JOSD1: variants seen among roughly 807,000 people sequenced by gnomAD.
The protein encoded by JOSD1 is Josephin domain containing 1.
JOSD1 carries 11 observed loss-of-function variants against 24.3 expected under a neutral mutation model. That is an observed-to-expected ratio of 0.45 (90% CI 0.29 to 0.75). The LOEUF is 0.75. Among genes scored for constraint, JOSD1 ranks in the 30% least tolerant of loss-of-function variants. The pLI, the probability that JOSD1 is intolerant of heterozygous loss-of-function variation, is 0.11. For synonymous variants in JOSD1, 106 were observed against 93.8 expected, an observed-to-expected ratio of 1.13 and a Z score of -0.75; for missense variants, 184 against 253.5, an observed-to-expected ratio of 0.73 and a Z score of 1.86.
intron 2 of JOSD1, among the ~76,000 whole-genome samples, chr22:38,694,863 C>CAAAAAAA (rs55844316): frequency 1.2e-5 from 1 of 80,776 alleles, no homozygotes; most frequent in Non-Finnish European, 2.5e-5. Flanking sequence ...GACTCAGTCT[C>CAAAAAAA]AAAAAAAAAA....
chr22:38,700,494 G>A lies in JOSD1; in HGVS notation c.-507C>T, dbSNP rs1209310372. 4.1e-6 allele frequency: 4 copies of A among 986,112 alleles called. No homozygotes were observed. The highest frequency in any genetic ancestry group is 5.2e-4 in the Middle Eastern group (1 of 1,934). The allele number at this position is 986,112 out of a possible 1,614,324, so 61.1% of individuals were successfully genotyped here. A position where few individuals can be genotyped will look rare whatever the true frequency, so the allele number is the denominator to read the frequency against. On this transcript the variant is annotated 5_prime_UTR_variant, in exon 2 of 5. Transcript: ENST00000683374. ...ACGAGTCGAGTAGCTAGCGCGGGCCGGCAGGCGTGGGACCGCGAGCCGCGC... is the reference window on the plus strand; with the variant it reads ...ACGAGTCGAGTAGCTAGCGCGGGCCAGCAGGCGTGGGACCGCGAGCCGCGC...
Position 38,700,038 on chromosome 22 carries a change from C to G in JOSD1, c.-51G>C, listed in dbSNP as rs1341165808. 1 of 1,526,674 alleles carries G rather than the reference C, an allele frequency of 6.6e-7. No individual in the cohort carries two copies. Among genetic ancestry groups the G allele is most frequent in the Non-Finnish European group, 8.8e-7 (1 of 1,140,290 alleles). The allele number at this position is 1,526,674 out of a possible 1,614,324, so 94.6% of individuals were successfully genotyped here. On this transcript the variant is annotated 5_prime_UTR_variant, in exon 2 of 5. Transcript: ENST00000683374. ...GGCTATAAACACCCCACTCTTCCCT[C>G]TAGAGGAAGAATGTAAGCTTCTCAG...
At position 38,699,996 on chromosome 22, in the gene JOSD1, T is replaced by G; in HGVS notation, c.-9A>C. On this transcript the variant is annotated 5_prime_UTR_variant, in exon 2 of 5. Coordinates refer to ENST00000683374, the MANE Select transcript of JOSD1 (RefSeq NM_001360236.2). ...CATGGCACACAACTCATGTTTTTTG[T>G]TTTAGGTTCCAGAGATGGCTATAAA... 6.3e-7 allele frequency: 1 copy of G among 1,585,752 alleles called. No homozygotes were observed. The highest frequency in any genetic ancestry group is 8.6e-7 in the Non-Finnish European group (1 of 1,165,616).
At chr22:38,691,657 C>T (rs1399412252) in intron 2 of JOSD1, among the ~76,000 whole-genome samples, 1 of 152,064 alleles carries the variant, frequency 6.6e-6, no homozygotes, top group Admixed American at 6.6e-5. Context: ...ATGTTACTGC[C>T]ATAGAGAGGC....
At chr22:38,688,482 C>T (rs918839311) in intron 4 of JOSD1, among the ~76,000 whole-genome samples, 2 of 152,154 alleles carry the variant, frequency 1.3e-5, no homozygotes, top group African/African-American at 4.8e-5. Flanking sequence ...AGGCTGGTCT[C>T]GAACTCCTGA....
chr22:38,699,582 C>G (rs1450402480), intron 2 of JOSD1, among the ~76,000 whole-genome samples: 1 of 152,224 alleles, frequency 6.6e-6, no homozygotes, highest in East Asian at 1.9e-4. Context: ...TGTTGAAGAT[C>G]ACTCAAGAAA....
intron 2 of JOSD1, among the ~76,000 whole-genome samples, chr22:38,693,624 G>T (rs117706333): frequency 0.022 from 3,380 of 152,128 alleles, 49 homozygotes; most frequent in Middle Eastern, 0.054. Context: ...CTGTCACCTA[G>T]GCTGGATTAC....
chr22:38,697,074 T>G (rs1403041313), intron 2 of JOSD1, among the ~76,000 whole-genome samples: 2 of 152,246 alleles, frequency 1.3e-5, no homozygotes, highest in African/African-American at 2.4e-5. Context: ...AAGGCCTGGT[T>G]AAAGCATAGC....
At chr22:38,701,093 G>T, upstream of JOSD1, 1 of 580,882 alleles carries the variant, frequency 1.7e-6, no homozygotes, top group Non-Finnish European at 2.2e-6. Flanking sequence ...CGGCCTGGGA[G>T]CCGCAGACGC....
chr22:38,700,771 C>G (rs913323210), intron 1 of JOSD1, 29 bp downstream of exon 1: 2 of 984,808 alleles, frequency 2.0e-6, no homozygotes, highest in Admixed American at 1.2e-4. Flanking sequence ...CGGGCCCGCG[C>G]CCACCCGGCT....
At chr22:38,688,475 C>G (rs950324358) in intron 4 of JOSD1, among the ~76,000 whole-genome samples, 1 of 152,174 alleles carries the variant, frequency 6.6e-6, no homozygotes, top group African/African-American at 2.4e-5. Context: ...GTTGGTCAGG[C>G]TGGTCTCGAA....
chr22:38,690,203 A>G (rs1454136385), intron 2 of JOSD1, among the ~76,000 whole-genome samples: 5 of 152,112 alleles, frequency 3.3e-5, no homozygotes, highest in Admixed American at 2.0e-4. Flanking sequence ...TTCAAGGGGC[A>G]TACCTTTGGG....
At chr22:38,692,799 A>C (rs2092528949) in intron 2 of JOSD1, among the ~76,000 whole-genome samples, 6 of 150,854 alleles carry the variant, frequency 4.0e-5, no homozygotes. Context: ...AAAAAAAAAA[A>C]AAAAAAGAAA....
intron 2 of JOSD1, among the ~76,000 whole-genome samples, chr22:38,695,789 G>A (rs1044346087): frequency 1.3e-5 from 2 of 151,962 alleles, no homozygotes; most frequent in Non-Finnish European, 2.9e-5. Flanking sequence ...CGGGCACGGT[G>A]GCTCACGCCT....
At chr22:38,696,020 C>A (rs1239543467) in intron 2 of JOSD1, among the ~76,000 whole-genome samples, 1 of 152,050 alleles carries the variant, frequency 6.6e-6, no homozygotes, top group Non-Finnish European at 1.5e-5. Flanking sequence ...CACGCCACTG[C>A]AATCCAGCCT....
chr22:38,691,655 G>A (rs2092522899), intron 2 of JOSD1, among the ~76,000 whole-genome samples: 1 of 152,138 alleles, frequency 6.6e-6, no homozygotes, highest in African/African-American at 2.4e-5. Context: ...AAATGTTACT[G>A]CCATAGAGAG....
At chr22:38,689,558 C>T (rs1349183820) in intron 2 of JOSD1, 134 bp from the exon 3 acceptor site, 4 of 1,123,450 alleles carry the variant, frequency 3.6e-6, no homozygotes, top group African/African-American at 3.1e-5. Flanking sequence ...TGCAATTTCC[C>T]CAGCTTCTAC....
rs962946981 is a variant in JOSD1 at position 38,695,061 on chromosome 22, C to G, written c.185+4742G>C. ...TTTTCCCCGCCCTAATTCTTTCTTT[C>G]CTTATCAGATCTGAAGAGATGTGAC... On this transcript the variant is annotated intron_variant, in intron 2 of 4. Transcript: ENST00000683374. Among the ~76,000 whole-genome samples the G allele has an allele frequency of 6.6e-5, 10 of 152,196 alleles. No homozygotes were observed. In the South Asian group the frequency reaches 2.1e-3, roughly 32 times the overall value.
chr22:38,699,791 A>G lies in JOSD1; in HGVS notation c.185+12T>C, dbSNP rs761710069. ...TATCAGTATCAAGATGCCAAGGAGA[A>G]GGGTCCCCTACCTCTGGAAAATCTC... On this transcript the variant is annotated intron_variant, in intron 2 of 4. Coordinates refer to ENST00000683374, the MANE Select transcript of JOSD1 (RefSeq NM_001360236.2). 2.1e-5 allele frequency: 34 copies of G among 1,612,710 alleles called. No homozygotes were observed. In the Admixed American group the frequency reaches 5.7e-4, roughly 27 times the overall value.
Sources: gnomAD v4.1 joint callset for allele counts (sites outside exome capture counted in the v4.1 genomes callset) on GRCh38, gnomAD v4.1.1 for gene constraint, MANE v1.5 for transcripts, NCBI Gene and HGNC (gene_info 2026-07-23, HGNC 2026-07-21) for gene names.